ELAPOR1: variants seen among roughly 807,000 people sequenced by gnomAD.
ELAPOR1 encodes endosome-lysosome associated apoptosis and autophagy regulator 1.
In ELAPOR1, 77 loss-of-function variants were observed where a neutral mutation model predicts 119.7. The observed-to-expected ratio is 0.64, with a 90% confidence interval of 0.54 to 0.78. The LOEUF is 0.78. Among genes scored for constraint, ELAPOR1 ranks in the 30% least tolerant of loss-of-function variants. The probability of loss-of-function intolerance (pLI) is 0.00; values close to 1 mark genes in which losing one functional copy is unlikely to be tolerated. For synonymous variants in ELAPOR1, 481 were observed against 487.2 expected (o/e 0.99, Z 0.17); for missense variants, 1,115 against 1,270.4 (o/e 0.88, Z 1.86).
intron 1 of ELAPOR1, among the ~76,000 whole-genome samples, chr1:109,138,434 T>C (rs1191853471): frequency 6.6e-6 from 1 of 152,006 alleles, no homozygotes; most frequent in Non-Finnish European, 1.5e-5. Flanking sequence ...CCTGCCCAGG[T>C]GTCTATTTGG....
intron 1 of ELAPOR1, among the ~76,000 whole-genome samples, chr1:109,129,264 C>A (rs895022293): frequency 6.6e-6 from 1 of 152,158 alleles, no homozygotes; most frequent in Admixed American, 6.6e-5. Context: ...AATCCCAGCA[C>A]TTTGGGAGGC....
At chr1:109,122,195 G>A (rs964884830) in intron 1 of ELAPOR1, among the ~76,000 whole-genome samples, 6 of 150,660 alleles carry the variant, frequency 4.0e-5, no homozygotes, top group Non-Finnish European at 7.4e-5. Flanking sequence ...TCATCCTCCC[G>A]AATAGCTGGG....
chr1:109,199,891 C>T lies in ELAPOR1; in HGVS notation c.2539C>T (p.His847Tyr). 6.2e-7 allele frequency: 1 copy of T among 1,613,654 alleles called. No homozygotes were observed. ...SDGTCDGCNF[H>Y]FLWESAAACP... ...TGGGACCTGTGATGGCTGCAACTTC[C>T]ACTTCCTGTGGGAGAGCGCGGCTGC... Residue 847 changes from histidine to tyrosine, a missense_variant, in exon 19 of 22, where the codon CAC becomes TAC. Transcript: ENST00000369939.
Position 109,200,129 on chromosome 1 carries a change from C to T in ELAPOR1, c.2699C>T (p.Thr900Ile), listed in dbSNP as rs1181749432. 6.2e-7 allele frequency: 1 copy of T among 1,614,212 alleles called. No individual in the cohort carries two copies. Among genetic ancestry groups the T allele is most frequent in the South Asian group, 1.1e-5 (1 of 91,082 alleles). The change falls in exon 20 of 22, where the codon ACC (threonine) becomes ATC (isoleucine). Residue 900 changes from threonine to isoleucine, a missense_variant. Physicochemically the swap from Thr to Ile is moderately conservative, Grantham distance 89. Transcript: ENST00000369939. Reference protein sequence around the residue: ...GGISLPEQRVTICKTIDFWLK... With the variant: ...GGISLPEQRVIICKTIDFWLK... ...ATTTCTCTGCCTGAGCAGAGAGTCA[C>T]CATCTGCAAAACCATAGATTTCTGG...
At chr1:109,174,903 G>GGGTTTAAT (rs1157028701) in intron 7 of ELAPOR1, among the ~76,000 whole-genome samples, 4 of 152,046 alleles carry the variant, frequency 2.6e-5, no homozygotes, top group African/African-American at 9.7e-5. Flanking sequence ...TTTTAGTAGA[G>GGGTTTAAT]ACAGGGTTTC....
intron 1 of ELAPOR1, among the ~76,000 whole-genome samples, chr1:109,127,501 A>G (rs2100973307): frequency 6.6e-6 from 1 of 152,178 alleles, no homozygotes; most frequent in South Asian, 2.1e-4. Context: ...GGTGTGAGCC[A>G]CCGCACCCAG....
In ELAPOR1 at chr1:109,187,763, C is replaced by T. The variant is rs1209162249; in HGVS notation, c.1042-414C>T. The T allele has an allele frequency of 1.4e-5, 11 of 798,590 alleles. No homozygotes were observed. In the South Asian group the frequency reaches 4.6e-4, roughly 34 times the overall value. 49.5% of individuals were successfully genotyped at this position (798,590 alleles called of 1,614,324 possible). A position where few individuals can be genotyped will look rare whatever the true frequency, so the allele number is the denominator to read the frequency against. ...ATAAGTGGGGACATCTCAGCCACCC[C>T]CTCAGTCCCCGGGGGACATCTGAGC... is the stretch of plus-strand genomic sequence containing the variant. On this transcript the variant is annotated intron_variant, in intron 8 of 21. Coordinates refer to ENST00000369939, the MANE Select transcript of ELAPOR1 (RefSeq NM_020775.5).
chr1:109,151,968 G>A (rs1650561100), intron 1 of ELAPOR1, among the ~76,000 whole-genome samples: 1 of 150,594 alleles, frequency 6.6e-6, no homozygotes, highest in Non-Finnish European at 1.5e-5. Context: ...CCACTTCCCA[G>A]GCTCAATCAA....
intron 3 of ELAPOR1, among the ~76,000 whole-genome samples, chr1:109,168,351 T>C (rs1392168773): frequency 1.3e-5 from 2 of 152,230 alleles, no homozygotes; most frequent in African/African-American, 2.4e-5. Context: ...AGAAAGAGAA[T>C]GCAAGCCCCA....
chr1:109,177,475 C>T (rs1336301710), intron 7 of ELAPOR1, among the ~76,000 whole-genome samples: 2 of 107,514 alleles, frequency 1.9e-5, no homozygotes, highest in African/African-American at 8.6e-5. Context: ...CGGGCAGAGA[C>T]GCTCCTCACT....
chr1:109,144,057 A>T (rs370282666), intron 1 of ELAPOR1, among the ~76,000 whole-genome samples: 1,074 of 37,992 alleles, frequency 0.028, 19 homozygotes, highest in South Asian at 0.052. Flanking sequence ...ATATATATTT[A>T]TATATTTTTT....
At chr1:109,179,532 G>A (rs1009829670) in intron 7 of ELAPOR1, among the ~76,000 whole-genome samples, 5 of 152,140 alleles carry the variant, frequency 3.3e-5, no homozygotes, top group Non-Finnish European at 5.9e-5. Flanking sequence ...AAGCAGGCCG[G>A]AAACAGATTA....
chr1:109,127,473 C>T (rs1033834944), intron 1 of ELAPOR1, among the ~76,000 whole-genome samples: 6 of 152,068 alleles, frequency 3.9e-5, no homozygotes, highest in Admixed American at 2.0e-4. Context: ...CTTGGCCTCC[C>T]GAAGTGCTGG....
At chr1:109,126,626 A>G (rs1648800443) in intron 1 of ELAPOR1, among the ~76,000 whole-genome samples, 1 of 152,242 alleles carries the variant, frequency 6.6e-6, no homozygotes, top group Non-Finnish European at 1.5e-5. Flanking sequence ...ACGCGCCACC[A>G]TGCCCAGCTA....
chr1:109,167,834 C>T (rs1651687816), intron 3 of ELAPOR1, among the ~76,000 whole-genome samples: 1 of 152,120 alleles, frequency 6.6e-6, no homozygotes, highest in Non-Finnish European at 1.5e-5. Context: ...GACTCAAACT[C>T]CTGGGCTCAA....
intron 14 of ELAPOR1, among the ~76,000 whole-genome samples, chr1:109,193,853 T>G (rs1303789105): frequency 6.6e-6 from 1 of 152,194 alleles, no homozygotes; most frequent in Admixed American, 6.5e-5. Context: ...CCTCTGCTGC[T>G]GTGGGAGGGA....
chr1:109,171,177 C>T (rs1651898215), intron 3 of ELAPOR1, among the ~76,000 whole-genome samples: 1 of 152,168 alleles, frequency 6.6e-6, no homozygotes, highest in African/African-American at 2.4e-5. Flanking sequence ...AAAACATTTC[C>T]TCTTATTGAT....
chr1:109,187,405 A>C (rs550849650), intron 8 of ELAPOR1: 1 of 987,022 alleles, frequency 1.0e-6, no homozygotes, highest in East Asian at 1.1e-4. Flanking sequence ...GTCCCTCCTT[A>C]AGGACTTGTT....
chr1:109,183,891 T>G (rs537305628), intron 7 of ELAPOR1, among the ~76,000 whole-genome samples: 157 of 152,128 alleles, frequency 1.0e-3, no homozygotes, highest in Non-Finnish European at 1.9e-3. Flanking sequence ...TGAACCACCA[T>G]GCCCAGCAGT....
Sources: gnomAD v4.1 joint callset for allele counts (sites outside exome capture counted in the v4.1 genomes callset) on GRCh38, gnomAD v4.1.1 for gene constraint, MANE v1.5 for transcripts, NCBI Gene and HGNC (gene_info 2026-07-23, HGNC 2026-07-21) for gene names.